MRTFB: variants seen among roughly 807,000 people sequenced by gnomAD.
MRTFB encodes myocardin related transcription factor B.
In MRTFB, 29 loss-of-function variants were observed where a neutral mutation model predicts 104.2. That is an observed-to-expected ratio of 0.28 (90% CI 0.21 to 0.38). MRTFB has a LOEUF of 0.38. Among genes scored for constraint, MRTFB ranks in the 10% least tolerant of loss-of-function variants. The pLI is 1.00. For synonymous variants in MRTFB, 535 were observed against 519.5 expected (o/e 1.03, Z -0.41); for missense variants, 1,270 against 1,341.6 (o/e 0.95, Z 0.83).
chr16:14,206,730 C>G (rs1401461826), intron 3 of MRTFB, among the ~76,000 whole-genome samples: 1 of 152,024 alleles, frequency 6.6e-6, no homozygotes, highest in South Asian at 2.1e-4. Context: ...TCAGTGGAGA[C>G]GGGTTTCACC....
chr16:14,106,937 G>T (rs1678618876), intron 2 of MRTFB, among the ~76,000 whole-genome samples: 1 of 152,212 alleles, frequency 6.6e-6, no homozygotes, highest in South Asian at 2.1e-4. Flanking sequence ...CAGGTTTTCA[G>T]TATATCACAG....
rs1445186164 is a variant in MRTFB at position 14,177,626 on chromosome 16, A to T, written c.155-32617A>T. Among the ~76,000 whole-genome samples, 1 of 151,930 alleles carries T rather than the reference A, an allele frequency of 6.6e-6. No individual in the cohort carries two copies. On this transcript the variant is annotated intron_variant, in intron 3 of 16. Transcript: ENST00000571589. This position sits in a 1 kb window ranked among gnomAD's most constrained non-coding sequence, Gnocchi z 4.7. ...GATTGCTTCAGCCCAGGAGTTCGAG[A>T]CCAGCCTGAGCAACATAGCAAGACC...
chr16:14,033,939 G>A, the MRTFB span, among the ~76,000 whole-genome samples: 1 of 152,070 alleles, frequency 6.6e-6, no homozygotes, highest in African/African-American at 2.4e-5. Flanking sequence ...CATTTAAGAG[G>A]GCTAGGCAAT....
intron 9 of MRTFB, among the ~76,000 whole-genome samples, chr16:14,238,528 T>G (rs2042623774): frequency 6.6e-6 from 1 of 151,258 alleles, no homozygotes; most frequent in Admixed American, 6.6e-5. Flanking sequence ...GCGAGGGAGG[T>G]TCAAATAATT....
At chr16:14,052,566 C>T in the MRTFB span, among the ~76,000 whole-genome samples, 2 of 151,836 alleles carry the variant, frequency 1.3e-5, no homozygotes, top group African/African-American at 2.4e-5. Flanking sequence ...TGGTGAAACC[C>T]GTCTCTACTA....
chr16:14,117,120 C>T (rs1181311300), intron 2 of MRTFB, among the ~76,000 whole-genome samples: 1 of 152,184 alleles, frequency 6.6e-6, no homozygotes. Context: ...ATAACTACTC[C>T]TTTTGCCTTT....
chr16:14,039,113 A>C, the MRTFB span, among the ~76,000 whole-genome samples: 1 of 152,178 alleles, frequency 6.6e-6, no homozygotes, highest in Non-Finnish European at 1.5e-5. Flanking sequence ...ACACAGCCAA[A>C]CCATATCAAT....
At chr16:14,138,716 C>T (rs2037847744) in intron 2 of MRTFB, among the ~76,000 whole-genome samples, 1 of 152,162 alleles carries the variant, frequency 6.6e-6, no homozygotes. Context: ...CTGCCCCCCA[C>T]CCCACTTTGC....
intron 3 of MRTFB, among the ~76,000 whole-genome samples, chr16:14,146,121 T>C (rs1340632559): frequency 1.3e-5 from 2 of 152,244 alleles, no homozygotes; most frequent in Non-Finnish European, 2.9e-5. Flanking sequence ...AACTGTTTGG[T>C]ATTTTAATAC....
chr16:13,996,733 A>C, the MRTFB span, among the ~76,000 whole-genome samples: 14 of 152,368 alleles, frequency 9.2e-5, no homozygotes, highest in African/African-American at 3.4e-4. Context: ...AGAGAGGGAT[A>C]GGCCTGGTTG....
chr16:14,212,794 A>G (rs531336384), intron 5 of MRTFB, among the ~76,000 whole-genome samples: 1 of 152,308 alleles, frequency 6.6e-6, no homozygotes, highest in Admixed American at 6.5e-5. Flanking sequence ...TGATTTCCCT[A>G]CTGGGTCTTT....
At chr16:14,215,038 A>G (rs1287015411) in intron 6 of MRTFB, 2 of 152,216 alleles carry the variant, frequency 1.3e-5, no homozygotes, top group Non-Finnish European at 2.9e-5. Flanking sequence ...GTAGCCAAGT[A>G]AGTGGTTGCT....
chr16:14,117,166 G>T (rs2142234477), intron 2 of MRTFB, among the ~76,000 whole-genome samples: 1 of 152,358 alleles, frequency 6.6e-6, no homozygotes, highest in East Asian at 1.9e-4. Flanking sequence ...CTGCCTTAGA[G>T]TTACAGGCCA....
chr16:14,105,160 A>G (rs1156487912), intron 2 of MRTFB, among the ~76,000 whole-genome samples: 1 of 152,158 alleles, frequency 6.6e-6, no homozygotes, highest in Non-Finnish European at 1.5e-5. Flanking sequence ...GGAACCCATT[A>G]TTTCTTTCCT....
At chr16:14,187,046 C>A in intron 3 of MRTFB, 1 of 1,589,602 alleles carries the variant, frequency 6.3e-7, no homozygotes, top group South Asian at 1.1e-5. Flanking sequence ...GTCAGTCTGT[C>A]TGTGGACAGG....
chr16:14,253,881 C>G (rs1025005881), intron 15 of MRTFB, among the ~76,000 whole-genome samples: 1 of 152,224 alleles, frequency 6.6e-6, no homozygotes, highest in African/African-American at 2.4e-5. Flanking sequence ...AATAAGAAGT[C>G]AAACAGGTGG....
chr16:14,173,083 T>C (rs2039474562), intron 3 of MRTFB, among the ~76,000 whole-genome samples: 1 of 152,222 alleles, frequency 6.6e-6, no homozygotes, highest in South Asian at 2.1e-4. Context: ...TTTTGTTACA[T>C]TTAGATCCCA....
At position 14,079,455 on chromosome 16, in the gene MRTFB, T is replaced by G. The variant is rs923276638; in HGVS notation, c.-64+101T>G. ...CTTTCTTGAGGTCTAACAGGGAGAT[T>G]GTTTTAGGAGTGGTTAAGTTCATAG... is the stretch of plus-strand genomic sequence containing the variant. On this transcript the variant is annotated intron_variant, in intron 2 of 16. Transcript: ENST00000571589. The G allele has an allele frequency of 3.5e-5, 11 of 310,696 alleles. 1 individual carries two copies. Among genetic ancestry groups the G allele is most frequent in the Non-Finnish European group, 5.9e-5 (10 of 169,730 alleles). 19.2% of individuals were successfully genotyped at this position (310,696 alleles called of 1,614,324 possible).
rs552585312 is a variant in MRTFB, at chr16:14,218,249, C to T, written c.515-571C>T. 1.2e-4 allele frequency among the ~76,000 whole-genome samples: 18 copies of T among 152,078 alleles called. No homozygotes were observed. In the South Asian group the frequency reaches 2.9e-3, roughly 25 times the overall value. ...AATTTTTTCTATTTTTTAGCAGAGACGGGGTTTCACCGCGCTAGCCAGGAT... is the reference window on the plus strand; with the variant it reads ...AATTTTTTCTATTTTTTAGCAGAGATGGGGTTTCACCGCGCTAGCCAGGAT... On this transcript the variant is annotated intron_variant, in intron 7 of 16. Transcript: ENST00000571589.
Sources: gnomAD v4.1 joint callset for allele counts (sites outside exome capture counted in the v4.1 genomes callset) on GRCh38, gnomAD v4.1.1 for gene constraint, Gnocchi (gnomAD v3.1) non-coding constraint, MANE v1.5 for transcripts, NCBI Gene and HGNC (gene_info 2026-07-23, HGNC 2026-07-21) for gene names.